CACHD1: variants seen among roughly 807,000 people sequenced by gnomAD.
CACHD1 encodes the protein VWFA and cache domain-containing protein 1.
A neutral mutation model predicts 138.7 loss-of-function variants in CACHD1; 71 were observed. The observed-to-expected ratio is 0.51, with a 90% CI of 0.42 to 0.62. The LOEUF (loss-of-function observed/expected upper bound fraction) is 0.62, where lower values mean the gene tolerates loss of function less well. Ranked by LOEUF, CACHD1 falls within the 20% of genes least tolerant of loss-of-function variation. The pLI, the probability that CACHD1 is intolerant of heterozygous loss-of-function variation, is 0.00. For missense variants in CACHD1, 1,389 were observed against 1,625.3 expected, an observed-to-expected ratio of 0.85 and a Z score of 2.50; for synonymous variants, 578 against 591.5, an observed-to-expected ratio of 0.98 and a Z score of 0.33.
intron 2 of CACHD1, among the ~76,000 whole-genome samples, chr1:64,555,314 C>G (rs12067113): frequency 6.6e-6 from 1 of 152,100 alleles, no homozygotes; most frequent in South Asian, 2.1e-4. Context: ...AAAGAATTAA[C>G]GTTTTAATTT....
At chr1:64,569,866 A>G (rs1646913339) in intron 2 of CACHD1, among the ~76,000 whole-genome samples, 2 of 152,340 alleles carry the variant, frequency 1.3e-5, no homozygotes. Flanking sequence ...GCAAGCCTGT[A>G]TCATGAGAAA....
chr1:64,532,887 A>G (rs1646599628), intron 1 of CACHD1, among the ~76,000 whole-genome samples: 1 of 152,214 alleles, frequency 6.6e-6, no homozygotes, highest in African/African-American at 2.4e-5. Context: ...AAGTAGTGGT[A>G]CTAGTAGTAG....
chr1:64,624,513 G>A (rs1047206254), intron 4 of CACHD1, among the ~76,000 whole-genome samples: 6 of 152,152 alleles, frequency 3.9e-5, no homozygotes, highest in African/African-American at 1.2e-4. Flanking sequence ...TGAGATCAAG[G>A]TTAAAGCTTC....
intron 1 of CACHD1, among the ~76,000 whole-genome samples, chr1:64,489,403 C>T (rs189206519): frequency 3.9e-5 from 6 of 152,130 alleles, no homozygotes; most frequent in South Asian, 2.1e-4. Context: ...CCAAAGGAGG[C>T]GAGAGATATG....
Position 64,550,767 on chromosome 1 carries a change from T to A in CACHD1, c.261+111T>A, listed in dbSNP as rs77723649. The A allele has an allele frequency of 7.6e-5, 53 of 696,744 alleles. No homozygotes were observed. The African/African-American group carries it at 7.7e-4, about 10-fold the overall frequency. 43.2% of individuals were successfully genotyped at this position (696,744 alleles called of 1,614,324 possible). On this transcript the variant is annotated intron_variant, in intron 2 of 26. Transcript: ENST00000651257. The stretch of plus-strand genomic sequence containing the variant: ...TGAGGTTTCCTGTTCTTTCTCTCTG[T>A]ATAATTTCACGTGCATCTCATGCAT...
chr1:64,494,824 C>T (rs908879195), intron 1 of CACHD1, among the ~76,000 whole-genome samples: 2 of 152,124 alleles, frequency 1.3e-5, no homozygotes, highest in African/African-American at 4.8e-5. Context: ...ATGCAGATAG[C>T]TACTAGTTTC....
chr1:64,627,319 A>G (rs1230390966), intron 4 of CACHD1, among the ~76,000 whole-genome samples: 1 of 152,170 alleles, frequency 6.6e-6, no homozygotes, highest in Non-Finnish European at 1.5e-5. Flanking sequence ...AGGCAGGAGG[A>G]TCACTTGAGC....
intron 2 of CACHD1, among the ~76,000 whole-genome samples, chr1:64,573,475 C>T (rs1392505865): frequency 6.6e-6 from 1 of 152,200 alleles, no homozygotes; most frequent in African/African-American, 2.4e-5. Flanking sequence ...GGAGCTAAGA[C>T]AGCAAGACTT....
chr1:64,629,426 ACT>A lies in CACHD1; in HGVS notation c.590_591del (p.Thr197SerfsTer10). The A allele has an allele frequency of 6.2e-7, 1 of 1,614,148 alleles. No homozygotes were observed. Among genetic ancestry groups the A allele is most frequent in the South Asian group, 1.1e-5 (1 of 91,080 alleles). On this transcript the variant is annotated frameshift_variant, in exon 5 of 27. Transcript: ENST00000651257. LOFTEE classifies it high-confidence loss of function. ...TTTCAGTTCAGAAGAAGGAATTTTC[ACT>A]GTTTTCCCAGCACACAAGTTCCGGT... ...QYFSSEEGIF[T>X]VFPAHKFRCK...
intron 19 of CACHD1, among the ~76,000 whole-genome samples, chr1:64,674,428 A>G (rs1649918444): frequency 6.6e-6 from 1 of 152,206 alleles, no homozygotes; most frequent in East Asian, 1.9e-4. Flanking sequence ...TGGAGTCTTC[A>G]GCACACAATG....
intron 16 of CACHD1, among the ~76,000 whole-genome samples, chr1:64,671,227 A>C (rs542215317): frequency 3.9e-5 from 6 of 152,132 alleles, no homozygotes; most frequent in Non-Finnish European, 8.8e-5. Flanking sequence ...TGTTGGAAGT[A>C]ACTGTAGTAG....
At chr1:64,623,230 C>T (rs985772196) in intron 4 of CACHD1, among the ~76,000 whole-genome samples, 3 of 151,840 alleles carry the variant, frequency 2.0e-5, no homozygotes, top group East Asian at 1.9e-4. Context: ...GGTGAAACCC[C>T]GTCTCTACTA....
At chr1:64,486,516 A>T (rs1024424620) in intron 1 of CACHD1, among the ~76,000 whole-genome samples, 1 of 152,180 alleles carries the variant, frequency 6.6e-6, no homozygotes. Context: ...TCTCAAAGGA[A>T]ATTTGCTTTT....
At chr1:64,567,698 T>C (rs566600925) in intron 2 of CACHD1, among the ~76,000 whole-genome samples, 1 of 152,318 alleles carries the variant, frequency 6.6e-6, no homozygotes, top group East Asian at 1.9e-4. Flanking sequence ...TGCTGTGTTG[T>C]TTTTCATACT....
intron 4 of CACHD1, among the ~76,000 whole-genome samples, chr1:64,624,085 C>T (rs1648013190): frequency 6.6e-6 from 1 of 152,190 alleles, no homozygotes; most frequent in Non-Finnish European, 1.5e-5. Context: ...GAGGGGCCGC[C>T]TGGGATGCAC....
chr1:64,487,184 G>A lies in CACHD1; in HGVS notation c.198+16242G>A, dbSNP rs948917291. On this transcript the variant is annotated intron_variant, in intron 1 of 26. Coordinates refer to ENST00000651257, the MANE Select transcript of CACHD1 (RefSeq NM_020925.4). ...GGAGGGTTTTAGGCACAAGAGCAAG[G>A]GAGTTGGCTTTTGCTTAGAAGGATC... 2.6e-5 allele frequency among the ~76,000 whole-genome samples: 4 copies of A among 152,138 alleles called. No homozygotes were observed. In the South Asian group the frequency reaches 8.3e-4, roughly 32 times the overall value.
At chr1:64,540,625 G>A (rs1646670238) in intron 1 of CACHD1, among the ~76,000 whole-genome samples, 1 of 152,096 alleles carries the variant, frequency 6.6e-6, no homozygotes, top group Non-Finnish European at 1.5e-5. Flanking sequence ...GCCTGCCTTT[G>A]TTCTCTGGGT....
intron 2 of CACHD1, among the ~76,000 whole-genome samples, chr1:64,580,431 C>A (rs1179647659): frequency 6.6e-6 from 1 of 151,972 alleles, no homozygotes; most frequent in Admixed American, 6.6e-5. Context: ...TGCTCATGTA[C>A]CCCCGAACCT....
Position 64,655,995 on chromosome 1 carries a change from A to G in CACHD1, c.1782+1192A>G, listed in dbSNP as rs114931160. 1.4e-3 allele frequency among the ~76,000 whole-genome samples: 209 copies of G among 152,332 alleles called. 2 individuals are homozygous for G. Among genetic ancestry groups the G allele is most frequent in the African/African-American group, 4.9e-3 (205 of 41,572 alleles). On this transcript the variant is annotated intron_variant, in intron 12 of 26. Transcript: ENST00000651257. ...GAAGATTGACACTCTCTCTGCCTTC[A>G]TAGAGCATCGAGCCTAGTGGTGGAT... is the stretch of plus-strand genomic sequence containing the variant.
Sources: allele counts gnomAD v4.1 joint callset (sites outside exome capture counted in the v4.1 genomes callset), GRCh38; gene constraint gnomAD v4.1.1; transcripts MANE v1.5; gene names NCBI Gene and HGNC (gene_info 2026-07-23, HGNC 2026-07-21).